SNX2: variants seen among roughly 807,000 people sequenced by gnomAD.
SNX2 encodes sorting nexin 2.
A neutral mutation model predicts 69.9 loss-of-function variants in SNX2; 25 were observed. The observed-to-expected ratio is 0.36, with a 90% CI of 0.26 to 0.50. SNX2 has a LOEUF of 0.50. Among genes scored for constraint, SNX2 ranks in the 20% least tolerant of loss-of-function variants. The probability of loss-of-function intolerance (pLI) is 0.97; values close to 1 mark genes in which losing one functional copy is unlikely to be tolerated. For missense variants in SNX2, 551 were observed against 613.3 expected (o/e 0.90, Z 1.07); for synonymous variants, 229 against 200.4 (o/e 1.14, Z -1.20).
chr5:122,808,747 A>T, intron 7 of SNX2: 1 of 158,234 alleles, frequency 6.3e-6, no homozygotes, highest in Non-Finnish European at 1.4e-5. Flanking sequence ...GGGGAAAAAT[A>T]AAAATTTTTG....
chr5:122,782,026 T>C (rs951470342), intron 1 of SNX2, among the ~76,000 whole-genome samples: 2 of 152,212 alleles, frequency 1.3e-5, no homozygotes, highest in Non-Finnish European at 2.9e-5. Flanking sequence ...CAGCAAAAGC[T>C]AAAAATCTGG....
At chr5:122,811,106 G>A (rs1052252917) in intron 7 of SNX2, among the ~76,000 whole-genome samples, 3 of 152,168 alleles carry the variant, frequency 2.0e-5, no homozygotes, top group Non-Finnish European at 2.9e-5. Flanking sequence ...TGGTGGGTTA[G>A]GGAAGCATTT....
chr5:122,775,276 C>G, intron 1 of SNX2, 65 bp downstream of exon 1: 1 of 1,485,422 alleles, frequency 6.7e-7, no homozygotes, highest in Non-Finnish European at 9.0e-7. Context: ...TTCCCCTGCC[C>G]CGACTTGTCC....
chr5:122,826,915 C>T (rs141627506), intron 12 of SNX2, among the ~76,000 whole-genome samples: 2,121 of 152,000 alleles, frequency 0.014, 22 homozygotes, highest in Non-Finnish European at 0.018. Context: ...AAATGTTTAT[C>T]ATGTAATTTT....
intron 11 of SNX2, 85 bp downstream of exon 11, chr5:122,819,108 T>A: frequency 9.7e-7 from 1 of 1,034,632 alleles, no homozygotes; most frequent in Non-Finnish European, 1.4e-6. Flanking sequence ...TTTACATGTC[T>A]AAATTCCTCC....
chr5:122,789,462 C>CACAG (rs397766905), intron 1 of SNX2, among the ~76,000 whole-genome samples: 1 of 134,732 alleles, frequency 7.4e-6, no homozygotes, highest in South Asian at 2.9e-4. Context: ...CACACACACA[C>CACAG]AGACACACAC....
At chr5:122,793,262 A>G (rs1206213817) in intron 1 of SNX2, among the ~76,000 whole-genome samples, 1 of 152,204 alleles carries the variant, frequency 6.6e-6, no homozygotes, top group Non-Finnish European at 1.5e-5. Flanking sequence ...TATGGTATTC[A>G]CACAATGAAA....
At chr5:122,802,197 A>G in intron 5 of SNX2, 73 bp downstream of exon 5, 1 of 1,233,194 alleles carries the variant, frequency 8.1e-7, no homozygotes, top group East Asian at 2.3e-5. Context: ...GCTATGATTA[A>G]GGTAGAAGTG....
At position 122,817,267 on chromosome 5, in the gene SNX2, A is replaced by AT. The variant is rs759029508; in HGVS notation, c.913-6dup. ...TCTTCCTAAATTAGCTCCATTTTTC[A>AT]TTTTTTTCTTAGTGGTTTGAAGAAA... On this transcript the variant is annotated splice_polypyrimidine_tract_variant and intron_variant, in intron 9 of 14. Transcript: ENST00000379516. 3 of 1,610,756 alleles carry AT rather than the reference A, an allele frequency of 1.9e-6. No homozygotes were observed. Among genetic ancestry groups the AT allele is most frequent in the Non-Finnish European group, 1.7e-6 (2 of 1,177,620 alleles).
At chr5:122,797,287 A>T (rs2150006486) in intron 2 of SNX2, among the ~76,000 whole-genome samples, 1 of 152,314 alleles carries the variant, frequency 6.6e-6, no homozygotes, top group East Asian at 1.9e-4. Flanking sequence ...CTGTGAATCA[A>T]ATATGGTGAA....
intron 7 of SNX2, among the ~76,000 whole-genome samples, chr5:122,809,965 G>A (rs1188749470): frequency 7.2e-5 from 11 of 152,144 alleles, no homozygotes; most frequent in Admixed American, 7.2e-4. Context: ...GTCATAGACT[G>A]AATATTTTTA....
intron 1 of SNX2, among the ~76,000 whole-genome samples, chr5:122,779,180 A>G (rs1250793855): frequency 6.6e-6 from 1 of 152,210 alleles, no homozygotes; most frequent in East Asian, 1.9e-4. Context: ...TATATATCAT[A>G]TAATTTACCC....
At chr5:122,806,435 T>C (rs951912758) in intron 6 of SNX2, among the ~76,000 whole-genome samples, 2 of 152,100 alleles carry the variant, frequency 1.3e-5, no homozygotes, top group Non-Finnish European at 2.9e-5. Context: ...TCCTGTTTGC[T>C]GGGAAGCTTT....
chr5:122,817,393 T>TA lies in SNX2; in HGVS notation c.1006+21dup, dbSNP rs752351692. 3 of 1,518,328 alleles carry TA rather than the reference T, an allele frequency of 2.0e-6. No homozygotes were observed. The highest frequency in any genetic ancestry group is 2.7e-6 in the Non-Finnish European group (3 of 1,095,678). The allele number at this position is 1,518,328 out of a possible 1,614,324, so 94.1% of individuals were successfully genotyped here. ...GAAAAGGTTTGTTTGCCTTACTACT[T>TA]ACGTAGTTAGCACCATAAAACTAAT... is the stretch of plus-strand genomic sequence containing the variant. On this transcript the variant is annotated intron_variant, in intron 10 of 14. Coordinates refer to ENST00000379516, the MANE Select transcript of SNX2 (RefSeq NM_003100.4).
chr5:122,814,067 A>G (rs1753844345), intron 7 of SNX2, among the ~76,000 whole-genome samples: 1 of 151,908 alleles, frequency 6.6e-6, no homozygotes, highest in Non-Finnish European at 1.5e-5. Flanking sequence ...CTGCCAGAAT[A>G]TTTCTTAGAG....
chr5:122,796,429 T>C (rs3776193), intron 2 of SNX2, among the ~76,000 whole-genome samples: 5,862 of 152,064 alleles, frequency 0.039, 181 homozygotes, highest in East Asian at 0.099. Flanking sequence ...TATTTTATTA[T>C]GTCACAAAAT....
intron 1 of SNX2, among the ~76,000 whole-genome samples, chr5:122,792,194 A>G (rs779338425): frequency 2.6e-5 from 4 of 152,240 alleles, no homozygotes; most frequent in Non-Finnish European, 4.4e-5. Flanking sequence ...ACTACTTTTG[A>G]ATGTTCTAAA....
At chr5:122,826,608 T>G in intron 12 of SNX2, 1 of 872,674 alleles carries the variant, frequency 1.1e-6, no homozygotes, top group East Asian at 1.2e-4. Context: ...TATTATAATT[T>G]ATACACTTTT....
intron 1 of SNX2, 142 bp downstream of exon 1, chr5:122,775,353 G>C (rs1258373583): frequency 7.2e-7 from 1 of 1,382,708 alleles, no homozygotes; most frequent in African/African-American, 1.5e-5. Flanking sequence ...CCCACCTCCG[G>C]TGCCTGTCAG....
Sources: gnomAD v4.1 joint callset for allele counts (sites outside exome capture counted in the v4.1 genomes callset) on GRCh38, gnomAD v4.1.1 for gene constraint, MANE v1.5 for transcripts, NCBI Gene and HGNC (gene_info 2026-07-23, HGNC 2026-07-21) for gene names.